LYZL4: variants seen among roughly 807,000 people sequenced by gnomAD.
LYZL4 encodes lysozyme-like protein 4.
LYZL4 carries 13 observed loss-of-function variants against 17.6 expected under a neutral mutation model. That is an observed-to-expected ratio of 0.74 (90% CI 0.48 to 1.18). The LOEUF (loss-of-function observed/expected upper bound fraction) is 1.18. Among genes scored for constraint, LYZL4 ranks in the 50% most tolerant of loss-of-function variants. The pLI is 0.00. For missense variants in LYZL4, 174 were observed against 188.2 expected, an observed-to-expected ratio of 0.92 and a Z score of 0.44; for synonymous variants, 64 against 67.7, an observed-to-expected ratio of 0.95 and a Z score of 0.27.
the LYZL4 span, among the ~76,000 whole-genome samples, chr3:42,371,396 C>T: frequency 6.6e-6 from 1 of 152,146 alleles, no homozygotes; most frequent in African/African-American, 2.4e-5. Context: ...AAGCTCAGGG[C>T]CTGGAACAAG....
At chr3:42,372,133 T>C in the LYZL4 span, among the ~76,000 whole-genome samples, 1 of 152,212 alleles carries the variant, frequency 6.6e-6, no homozygotes, top group Non-Finnish European at 1.5e-5. Flanking sequence ...ATTTCTGTCC[T>C]GGTAGCCAGG....
At chr3:42,389,708 G>A in the LYZL4 span, among the ~76,000 whole-genome samples, 4 of 152,180 alleles carry the variant, frequency 2.6e-5, no homozygotes, top group African/African-American at 9.7e-5. Context: ...AGTCACAAAG[G>A]TGGCTTTATG....
downstream of LYZL4, among the ~76,000 whole-genome samples, chr3:42,396,326 AGATACCT>A (rs1476300485): frequency 1.3e-5 from 2 of 152,204 alleles, no homozygotes; most frequent in African/African-American, 4.8e-5. Context: ...CCTGCTGAGC[AGATACCT>A]GTGCTCTTGC....
chr3:42,396,287 T>C (rs1335389764), downstream of LYZL4, among the ~76,000 whole-genome samples: 3 of 152,150 alleles, frequency 2.0e-5, no homozygotes, highest in Admixed American at 2.0e-4. Context: ...CCAACCCCCA[T>C]GATGGTGTGG....
intron 1 of LYZL4, among the ~76,000 whole-genome samples, chr3:42,408,361 C>G (rs1698799701): frequency 6.6e-6 from 1 of 152,176 alleles, no homozygotes; most frequent in Non-Finnish European, 1.5e-5. Flanking sequence ...GCCTCTGCAC[C>G]TCCCCACTCC....
intron 4 of LYZL4, among the ~76,000 whole-genome samples, chr3:42,400,295 A>G (rs1267587597): frequency 6.6e-6 from 1 of 152,138 alleles, no homozygotes; most frequent in African/African-American, 2.4e-5. Flanking sequence ...GTTGCCTTCT[A>G]CATAACCACA....
downstream of LYZL4, among the ~76,000 whole-genome samples, chr3:42,394,359 G>C (rs1698524734): frequency 6.6e-6 from 1 of 152,182 alleles, no homozygotes; most frequent in African/African-American, 2.4e-5. Flanking sequence ...AGGGAGCTCT[G>C]TGTGGGGATA....
At chr3:42,381,779 C>T in the LYZL4 span, among the ~76,000 whole-genome samples, 44 of 152,174 alleles carry the variant, frequency 2.9e-4, no homozygotes, top group Non-Finnish European at 5.6e-4. Context: ...ATAAATCTAC[C>T]TTTTAGTCAT....
chr3:42,369,972 A>T, the LYZL4 span, among the ~76,000 whole-genome samples: 2 of 152,170 alleles, frequency 1.3e-5, no homozygotes, highest in African/African-American at 2.4e-5. Flanking sequence ...GCTTGAGCTC[A>T]GGAATTCAAA....
the LYZL4 span, among the ~76,000 whole-genome samples, chr3:42,363,754 C>T: frequency 6.6e-6 from 1 of 152,266 alleles, no homozygotes; most frequent in Admixed American, 6.5e-5. Context: ...ATTTCACCAG[C>T]ACTATGAAAA....
At chr3:42,402,990 C>T (rs552479726) in intron 4 of LYZL4, among the ~76,000 whole-genome samples, 1 of 152,256 alleles carries the variant, frequency 6.6e-6, no homozygotes, top group African/African-American at 2.4e-5. Context: ...CAGACATAGG[C>T]CAACCACTTG....
chr3:42,388,142 G>GA, the LYZL4 span, among the ~76,000 whole-genome samples: 3 of 152,072 alleles, frequency 2.0e-5, no homozygotes, highest in African/African-American at 7.2e-5. Flanking sequence ...GTGGCCAGAA[G>GA]AAAAAACAAA....
At chr3:42,378,239 G>A in the LYZL4 span, among the ~76,000 whole-genome samples, 1 of 152,184 alleles carries the variant, frequency 6.6e-6, no homozygotes, top group South Asian at 2.1e-4. Flanking sequence ...CTCTATTACA[G>A]GGGCCTACAG....
chr3:42,376,181 T>C, the LYZL4 span, among the ~76,000 whole-genome samples: 1 of 152,232 alleles, frequency 6.6e-6, no homozygotes, highest in Non-Finnish European at 1.5e-5. Flanking sequence ...TGTGCAGAAG[T>C]GCAGAGGCCC....
intron 4 of LYZL4, among the ~76,000 whole-genome samples, chr3:42,401,145 A>G (rs1406890977): frequency 6.6e-6 from 1 of 152,218 alleles, no homozygotes; most frequent in Non-Finnish European, 1.5e-5. Flanking sequence ...TAAAGAGGAT[A>G]AAGCTAACAC....
At chr3:42,407,804 G>A (rs1467930162) in intron 1 of LYZL4, among the ~76,000 whole-genome samples, 1 of 151,698 alleles carries the variant, frequency 6.6e-6, no homozygotes, top group Non-Finnish European at 1.5e-5. Flanking sequence ...ATTCCCAGTT[G>A]TGTCTTTGTC....
the LYZL4 span, among the ~76,000 whole-genome samples, chr3:42,379,703 CA>C: frequency 6.6e-6 from 1 of 152,170 alleles, no homozygotes; most frequent in African/African-American, 2.4e-5. Context: ...TTTCTCATTG[CA>C]AAATCCCAAA....
chr3:42,400,249 T>C lies in LYZL4; in HGVS notation c.372-2915A>G, dbSNP rs373500739. ...ACTGACTCTGCTCAGAAACCTTGAG[T>C]TTGGACTCACTGGAGTACTGGATAA... On this transcript the variant is annotated intron_variant, in intron 4 of 4. Coordinates refer to ENST00000287748, the MANE Select transcript of LYZL4 (RefSeq NM_144634.4). Among the ~76,000 whole-genome samples the C allele has an allele frequency of 2.2e-4, 34 of 152,230 alleles. 1 individual carries two copies. The South Asian group carries it at 6.2e-3, about 28-fold the overall frequency.
chr3:42,382,423 TATATGTCATATTA>T, the LYZL4 span, among the ~76,000 whole-genome samples: 5 of 152,246 alleles, frequency 3.3e-5, no homozygotes, highest in Middle Eastern at 3.4e-3. Context: ...TATTCCAGAG[TATATGTCATATTA>T]ATATGTCATA....
Sources: gnomAD v4.1 joint callset for allele counts (sites outside exome capture counted in the v4.1 genomes callset) on GRCh38, gnomAD v4.1.1 for gene constraint, MANE v1.5 for transcripts, NCBI Gene and HGNC (gene_info 2026-07-23, HGNC 2026-07-21) for gene names.